The following FRMD4B variants were observed in gnomAD, a reference collection of about 807,000 sequenced individuals.
The protein encoded by FRMD4B is FERM domain containing 4B.
In FRMD4B, 74 loss-of-function variants were observed where a neutral mutation model predicts 141.5. The ratio of observed to expected loss-of-function variants is 0.52; its 90% CI spans 0.43 to 0.63. FRMD4B has a LOEUF of 0.63. FRMD4B is among the 30% of genes least tolerant of loss of function. The pLI, the probability that FRMD4B is intolerant of heterozygous loss-of-function variation, is 0.00. For missense variants in FRMD4B, 1,366 were observed against 1,253.4 expected, an observed-to-expected ratio of 1.09 and a Z score of -1.36; for synonymous variants, 506 against 467.9, an observed-to-expected ratio of 1.08 and a Z score of -1.05.
At chr3:69,235,171 TA>T (rs1165034467) in intron 7 of FRMD4B, among the ~76,000 whole-genome samples, 1 of 140,692 alleles carries the variant, frequency 7.1e-6, no homozygotes, top group Non-Finnish European at 1.5e-5. Context: ...ATAATAATAA[TA>T]ATAATAATAA....
At chr3:69,400,004 T>C (rs972254962) in intron 2 of FRMD4B, among the ~76,000 whole-genome samples, 6 of 152,168 alleles carry the variant, frequency 3.9e-5, no homozygotes, top group Non-Finnish European at 7.4e-5. Flanking sequence ...ACCTGGCTCA[T>C]ATTAGGTACT....
rs761589349 is a variant in FRMD4B, at chr3:69,195,367, A to AG, written c.1235-4dup. On this transcript the variant is annotated splice_polypyrimidine_tract_variant and splice_region_variant and intron_variant, in intron 14 of 22. Coordinates refer to ENST00000398540, the MANE Select transcript of FRMD4B (RefSeq NM_015123.3). ...ACTAACTTCTGAGTCTTGAGAACCT[A>AG]GGGGATGAGGGAAGGGCAGGGAAGG... is the stretch of plus-strand genomic sequence containing the variant. 4.4e-6 allele frequency: 7 copies of AG among 1,606,738 alleles called. No homozygotes were observed. The African/African-American group carries it at 9.4e-5, about 22-fold the overall frequency.
At chr3:69,253,412 A>G (rs1483892) in intron 5 of FRMD4B, among the ~76,000 whole-genome samples, 27,122 of 151,756 alleles carry the variant, frequency 0.18, 2,874 homozygotes, top group East Asian at 0.39. Context: ...CTGTGGAAAA[A>G]TGAATCCAAA....
intron 7 of FRMD4B, among the ~76,000 whole-genome samples, chr3:69,239,070 C>T (rs1446490490): frequency 1.3e-5 from 2 of 152,116 alleles, no homozygotes; most frequent in Non-Finnish European, 2.9e-5. Context: ...TAATAAACTG[C>T]CTGGGAAAAG....
At position 69,490,733 on chromosome 3, in the gene FRMD4B, C is replaced by A. The variant is rs148426447; in HGVS notation, c.-129+51473G>T. 3.5e-4 allele frequency among the ~76,000 whole-genome samples: 53 copies of A among 152,274 alleles called. No individual in the cohort carries two copies. The East Asian group carries it at 9.8e-3, about 28-fold the overall frequency. ...AAGGATTTACTGTGTATCTTCCTCA[C>A]TAGATCATATGTTCCCTGAGGACGG... On this transcript the variant is annotated intron_variant, in intron 1 of 5. Transcript: ENST00000459638.
intron 2 of FRMD4B, among the ~76,000 whole-genome samples, chr3:69,419,332 C>G (rs1704929016): frequency 6.6e-6 from 1 of 152,214 alleles, no homozygotes; most frequent in African/African-American, 2.4e-5. Flanking sequence ...GCCCTGAAAT[C>G]TGTCTCTCTC....
At chr3:69,540,613 T>TAAAAA (rs1157655761) in intron 1 of FRMD4B, among the ~76,000 whole-genome samples, 152 of 14,000 alleles carry the variant, frequency 0.011, 15 homozygotes, top group African/African-American at 0.033. Flanking sequence ...ACTCTGTCTC[T>TAAAAA]AAAAAAAAAA....
chr3:69,207,529 G>A (rs2093035190), intron 11 of FRMD4B, among the ~76,000 whole-genome samples: 1 of 152,088 alleles, frequency 6.6e-6, no homozygotes, highest in African/African-American at 2.4e-5. Context: ...ACAATGGACA[G>A]TCAGGCACCG....
intron 1 of FRMD4B, among the ~76,000 whole-genome samples, chr3:69,340,947 TA>T (rs1296710094): frequency 1.3e-5 from 2 of 151,806 alleles, no homozygotes; most frequent in African/African-American, 4.8e-5. Context: ...AGTTGTGTAA[TA>T]AAAAAAGGAG....
At chr3:69,391,972 G>A (rs953998081) in intron 2 of FRMD4B, among the ~76,000 whole-genome samples, 2 of 152,232 alleles carry the variant, frequency 1.3e-5, no homozygotes, top group Non-Finnish European at 1.5e-5. Flanking sequence ...TGCAAGCTGG[G>A]AAAGGGTCTT....
In FRMD4B at chr3:69,397,983, A is replaced by G. The variant is rs546872657; in HGVS notation, c.-1+34651T>C. Reference sequence around the variant, plus strand: ...ATTCCACAATGAGTGTGTAATACTTATATCTTCAGAAAGAAGGTGTTCAAA... The same window carrying G: ...ATTCCACAATGAGTGTGTAATACTTGTATCTTCAGAAAGAAGGTGTTCAAA... On this transcript the variant is annotated intron_variant, in intron 2 of 5. Transcript: ENST00000459638. 4.6e-5 allele frequency among the ~76,000 whole-genome samples: 7 copies of G among 152,314 alleles called. No homozygotes were observed. In the East Asian group the frequency reaches 1.3e-3, roughly 29 times the overall value.
intron 5 of FRMD4B, among the ~76,000 whole-genome samples, chr3:69,261,978 T>C (rs2093530229): frequency 6.6e-6 from 1 of 151,628 alleles, no homozygotes; most frequent in Non-Finnish European, 1.5e-5. Flanking sequence ...CCTATTTTTA[T>C]TTTTTTAAGA....
At chr3:69,384,878 T>C (rs1031798138) in intron 1 of FRMD4B, among the ~76,000 whole-genome samples, 1 of 152,040 alleles carries the variant, frequency 6.6e-6, no homozygotes, top group Non-Finnish European at 1.5e-5. Flanking sequence ...TCTAGACATA[T>C]TAGGAACAGG....
At position 69,302,423 on chromosome 3, in the gene FRMD4B, G is replaced by C. The variant is rs763061808; in HGVS notation, c.336C>G (p.Asn112Lys). 8 of 1,594,386 alleles carry C rather than the reference G, an allele frequency of 5.0e-6. No individual in the cohort carries two copies. The highest frequency in any genetic ancestry group is 2.2e-5 in the East Asian group (1 of 44,710). The change falls in exon 4 of 23, where the codon AAC becomes AAG. Residue 112 changes from asparagine (N) to lysine (K), a missense_variant. Asn to Lys is a moderately conservative substitution (Grantham distance 94). Transcript: ENST00000398540. ...ITFIDDTGQQ[N>K]WLQLDHRVLD... ...GAACTCGGTGATCTAACTGCAGCCA[G>C]TTCTGCTGACCTCTGTGAGAGCAAA...
chr3:69,402,976 A>T (rs1704592820), intron 2 of FRMD4B, among the ~76,000 whole-genome samples: 1 of 152,256 alleles, frequency 6.6e-6, no homozygotes, highest in Non-Finnish European at 1.5e-5. Flanking sequence ...ATTCAAACAC[A>T]GAATACGGCA....
intron 1 of FRMD4B, among the ~76,000 whole-genome samples, chr3:69,533,620 G>A (rs1056039828): frequency 6.6e-6 from 1 of 152,182 alleles, no homozygotes; most frequent in Non-Finnish European, 1.5e-5. Flanking sequence ...CTGATTCTCT[G>A]CGTTAATCAG....
At chr3:69,260,611 C>G (rs537859654) in intron 5 of FRMD4B, among the ~76,000 whole-genome samples, 3 of 152,260 alleles carry the variant, frequency 2.0e-5, no homozygotes, top group Non-Finnish European at 2.9e-5. Context: ...CTGGTCCCAT[C>G]GACCGCCTAA....
At chr3:69,225,238 G>T (rs1041691547) in intron 7 of FRMD4B, among the ~76,000 whole-genome samples, 2 of 152,090 alleles carry the variant, frequency 1.3e-5, no homozygotes, top group African/African-American at 4.8e-5. Flanking sequence ...ACTGGAAAAC[G>T]TGTTTCTAAT....
intron 1 of FRMD4B, among the ~76,000 whole-genome samples, chr3:69,384,984 A>G (rs897433651): frequency 2.0e-5 from 3 of 152,142 alleles, no homozygotes; most frequent in Non-Finnish European, 4.4e-5. Context: ...CACCAAGTAT[A>G]TTTCTAAACA....
Sources: gnomAD v4.1 joint callset for allele counts (sites outside exome capture counted in the v4.1 genomes callset) on GRCh38, gnomAD v4.1.1 for gene constraint, MANE v1.5 for transcripts, NCBI Gene and HGNC (gene_info 2026-07-23, HGNC 2026-07-21) for gene names.